Variants in DAB1 observed in about 807,000 individuals in gnomAD.
DAB1 encodes the protein DAB adaptor protein 1.
In DAB1, 15 loss-of-function variants were observed where a neutral mutation model predicts 64.6. The observed-to-expected ratio is 0.23, with a 90% CI of 0.16 to 0.36. The LOEUF (loss-of-function observed/expected upper bound fraction) is 0.36. DAB1 is among the 10% of genes least tolerant of loss of function. The probability of loss-of-function intolerance (pLI) is 1.00; values close to 1 mark genes in which losing one functional copy is unlikely to be tolerated. For missense variants in DAB1, 596 were observed against 706.7 expected, an observed-to-expected ratio of 0.84 and a Z score of 1.78; for synonymous variants, 235 against 251.9, an observed-to-expected ratio of 0.93 and a Z score of 0.64.
intron 6 of DAB1, among the ~76,000 whole-genome samples, chr1:57,656,920 T>C (rs1211426834): frequency 1.3e-5 from 2 of 152,246 alleles, no homozygotes; most frequent in African/African-American, 2.4e-5. Flanking sequence ...TGTTGTAACA[T>C]TAAGTACTAC....
At chr1:58,444,641 G>A (rs527303571) in intron 3 of DAB1, among the ~76,000 whole-genome samples, 3 of 152,300 alleles carry the variant, frequency 2.0e-5, no homozygotes, top group South Asian at 4.2e-4. Context: ...TTTCTGCCCC[G>A]AAGTGATGCA....
chr1:57,943,976 A>G (rs969671907), intron 5 of DAB1, among the ~76,000 whole-genome samples: 1 of 152,142 alleles, frequency 6.6e-6, no homozygotes, highest in Non-Finnish European at 1.5e-5. Flanking sequence ...ATTGGACCCC[A>G]TTGCCCACAA....
chr1:57,564,161 T>C (rs564986911), intron 7 of DAB1, among the ~76,000 whole-genome samples: 1 of 152,248 alleles, frequency 6.6e-6, no homozygotes, highest in African/African-American at 2.4e-5. Flanking sequence ...CCACTGCTGA[T>C]ACCCAGGCAA....
At chr1:57,910,114 C>T (rs978404599) in intron 5 of DAB1, among the ~76,000 whole-genome samples, 1 of 152,188 alleles carries the variant, frequency 6.6e-6, no homozygotes, top group African/African-American at 2.4e-5. Context: ...ATAAAATCCC[C>T]AGCAAGGAAA....
chr1:57,729,148 C>G (rs974594111), intron 6 of DAB1, among the ~76,000 whole-genome samples: 1 of 152,222 alleles, frequency 6.6e-6, no homozygotes, highest in African/African-American at 2.4e-5. Flanking sequence ...ACCAGGTAAG[C>G]ACGTATCCAC....
chr1:58,278,196 C>T (rs998103770), intron 4 of DAB1, among the ~76,000 whole-genome samples: 7 of 152,112 alleles, frequency 4.6e-5, no homozygotes, highest in African/African-American at 9.7e-5. Flanking sequence ...CTCATGATAG[C>T]GAGCTCTAAT....
chr1:57,201,723 T>A (rs1028384619), intron 2 of DAB1, among the ~76,000 whole-genome samples: 5 of 152,170 alleles, frequency 3.3e-5, no homozygotes, highest in African/African-American at 1.2e-4. Context: ...TAATTGTAAT[T>A]AATTATTTTA....
intron 7 of DAB1, among the ~76,000 whole-genome samples, chr1:57,527,627 G>T (rs1037356497): frequency 6.6e-6 from 1 of 152,168 alleles, no homozygotes. Context: ...TGGGTTTATA[G>T]ATTTAAATTG....
At chr1:57,658,700 T>A (rs968282983) in intron 6 of DAB1, among the ~76,000 whole-genome samples, 1 of 152,070 alleles carries the variant, frequency 6.6e-6, no homozygotes, top group Non-Finnish European at 1.5e-5. Flanking sequence ...GTAGCTGGGA[T>A]TACAAGCATA....
At chr1:58,031,229 GGGAAGCAGGGAGGCTGAAT>G (rs1454320114) in intron 5 of DAB1, among the ~76,000 whole-genome samples, 1 of 152,110 alleles carries the variant, frequency 6.6e-6, no homozygotes, top group East Asian at 1.9e-4. Flanking sequence ...GGAGACAGAA[GGGAAGCAGGGAGGCTGAAT>G]GGAAGCATGG....
rs558929062 is a variant in DAB1, at chr1:57,290,699, T to C, written c.67+265A>G. ...GAATACGAAACACACAAAATTACTA[T>C]TTAAAAATATATGTGATCATAAAGA... On this transcript the variant is annotated intron_variant, in intron 2 of 14. Transcript: ENST00000371236. 3.9e-4 allele frequency among the ~76,000 whole-genome samples: 60 copies of C among 152,304 alleles called. 1 individual carries two copies. In the South Asian group the frequency reaches 0.012, roughly 32 times the overall value.
At chr1:57,315,782 A>G (rs918655087) in intron 1 of DAB1, among the ~76,000 whole-genome samples, 6 of 152,166 alleles carry the variant, frequency 3.9e-5, no homozygotes, top group South Asian at 4.1e-4. Flanking sequence ...GATTACAGGC[A>G]TGAGCCACCG....
At chr1:58,382,240 T>C (rs908088057) in intron 3 of DAB1, among the ~76,000 whole-genome samples, 2 of 152,164 alleles carry the variant, frequency 1.3e-5, no homozygotes, top group African/African-American at 4.8e-5. Flanking sequence ...GAGCTTCTGC[T>C]TGGTCTTTCC....
At chr1:57,744,856 C>T (rs1273887253) in intron 6 of DAB1, among the ~76,000 whole-genome samples, 3 of 152,142 alleles carry the variant, frequency 2.0e-5, no homozygotes, top group African/African-American at 4.8e-5. Flanking sequence ...GGAGGCAGGC[C>T]GGCTGTCCAA....
chr1:57,097,688 T>A lies in DAB1; in HGVS notation c.307-25274A>T, dbSNP rs143321009. 7.0e-3 allele frequency among the ~76,000 whole-genome samples: 1,066 copies of A among 152,302 alleles called. 13 individuals carry two copies. The highest frequency in any genetic ancestry group is 0.014 in the Middle Eastern group (4 of 292). On this transcript the variant is annotated intron_variant, in intron 4 of 14. Transcript: ENST00000371236. The stretch of plus-strand genomic sequence containing the variant: ...AACTACTTTAAGTATTAATTCATCA[T>A]TATATAATTTTCATTTACTTATAAA...
chr1:57,997,856 T>C (rs1194192858), intron 5 of DAB1, among the ~76,000 whole-genome samples: 1 of 151,858 alleles, frequency 6.6e-6, no homozygotes, highest in Admixed American at 6.6e-5. Context: ...AAGTGTATTC[T>C]GTGTGCCAGC....
At chr1:57,500,491 G>A (rs971073416) in intron 7 of DAB1, among the ~76,000 whole-genome samples, 2 of 152,182 alleles carry the variant, frequency 1.3e-5, no homozygotes, top group South Asian at 2.1e-4. Flanking sequence ...GGAAAAAGAG[G>A]TCTTTTTTAA....
At chr1:58,527,470 A>G (rs997516216) in intron 1 of DAB1, 3 of 589,428 alleles carry the variant, frequency 5.1e-6, no homozygotes, top group Admixed American at 5.8e-5. Flanking sequence ...TAACATTAAA[A>G]TAACTCCATG....
intron 1 of DAB1, among the ~76,000 whole-genome samples, chr1:57,388,066 C>T (rs1455985227): frequency 6.6e-6 from 1 of 152,196 alleles, no homozygotes; most frequent in Non-Finnish European, 1.5e-5. Flanking sequence ...GGACTCCCCT[C>T]CTAATGATGT....
Sources: allele counts gnomAD v4.1 joint callset (sites outside exome capture counted in the v4.1 genomes callset), GRCh38; gene constraint gnomAD v4.1.1; transcripts MANE v1.5; gene names NCBI Gene and HGNC (gene_info 2026-07-23, HGNC 2026-07-21).